Variants in TSPAN12 observed in about 807,000 individuals in gnomAD.
TSPAN12 encodes tetraspanin-12.
Under a neutral mutation model 39.2 loss-of-function variants are expected in TSPAN12, and 19 were observed. The ratio of observed to expected loss-of-function variants is 0.49; its 90% CI spans 0.34 to 0.71. The LOEUF is 0.71. TSPAN12 is among the 30% of genes least tolerant of loss of function. The pLI, the probability that TSPAN12 is intolerant of heterozygous loss-of-function variation, is 0.01. For synonymous variants in TSPAN12, 119 were observed against 124.8 expected, an observed-to-expected ratio of 0.95 and a Z score of 0.31; for missense variants, 314 against 359.9, an observed-to-expected ratio of 0.87 and a Z score of 1.03.
chr7:120,813,657 A>G (rs1386432199), intron 5 of TSPAN12, among the ~76,000 whole-genome samples: 1 of 152,206 alleles, frequency 6.6e-6, no homozygotes, highest in Admixed American at 6.5e-5. Context: ...TTTAATTACC[A>G]AACAGCAGAC....
intron 5 of TSPAN12, chr7:120,813,930 A>G (rs188099721): frequency 1.2e-5 from 2 of 172,194 alleles, no homozygotes; most frequent in Admixed American, 1.2e-4. Context: ...ATGTTGTTAA[A>G]AGCTCTTAAC....
intron 7 of TSPAN12, among the ~76,000 whole-genome samples, chr7:120,797,682 C>T (rs1793660125): frequency 6.6e-6 from 1 of 152,226 alleles, no homozygotes; most frequent in Admixed American, 6.5e-5. Flanking sequence ...TCCTCACTGT[C>T]AGAGTCCAAA....
chr7:120,828,422 T>C (rs1213068785), intron 4 of TSPAN12, among the ~76,000 whole-genome samples: 2 of 152,166 alleles, frequency 1.3e-5, no homozygotes, highest in East Asian at 1.9e-4. Context: ...CCCTAAGACA[T>C]ACATGTGCCC....
At chr7:120,815,886 T>A in intron 4 of TSPAN12, 83 bp from the exon 5 acceptor site, 1 of 1,273,956 alleles carries the variant, frequency 7.8e-7, no homozygotes, top group Non-Finnish European at 1.1e-6. Flanking sequence ...TATGTTTACC[T>A]AGTGACCAAG....
chr7:120,806,474 G>A, intron 7 of TSPAN12, 75 bp downstream of exon 7: 1 of 1,538,512 alleles, frequency 6.5e-7, no homozygotes, highest in South Asian at 1.1e-5. Context: ...AAATTTCATT[G>A]GCATATTGTT....
intron 4 of TSPAN12, among the ~76,000 whole-genome samples, chr7:120,818,939 G>C (rs923425083): frequency 6.6e-6 from 1 of 152,004 alleles, no homozygotes; most frequent in African/African-American, 2.4e-5. Flanking sequence ...CTTTACTTAA[G>C]AGATTTCTAG....
At chr7:120,790,397 G>A (rs561617210) in intron 7 of TSPAN12, among the ~76,000 whole-genome samples, 2 of 152,292 alleles carry the variant, frequency 1.3e-5, no homozygotes, top group African/African-American at 4.8e-5. Flanking sequence ...AGGATTAAAT[G>A]CACAGACACA....
At chr7:120,810,717 T>C (rs1178258613) in intron 5 of TSPAN12, 147 bp from the exon 6 acceptor site, 1 of 653,246 alleles carries the variant, frequency 1.5e-6, no homozygotes, top group Non-Finnish European at 2.8e-6. Flanking sequence ...TTATATTTGC[T>C]CATGGCCTAA....
rs376319101 is a variant in TSPAN12, at chr7:120,847,875, C to T, written c.67-7766G>A. Among the ~76,000 whole-genome samples, 119 of 152,304 alleles carry T rather than the reference C, an allele frequency of 7.8e-4. 1 individual carries two copies. The East Asian group carries it at 0.02, about 26-fold the overall frequency. ...CTTCAACTACCATTTATTTCGTCTT[C>T]CCTCAACTGCCTCTGAGAGAACAAA... On this transcript the variant is annotated intron_variant, in intron 2 of 7. Coordinates refer to ENST00000222747, the MANE Select transcript of TSPAN12 (RefSeq NM_012338.4).
At chr7:120,844,276 C>A (rs1457310033) in intron 2 of TSPAN12, among the ~76,000 whole-genome samples, 1 of 152,104 alleles carries the variant, frequency 6.6e-6, no homozygotes, top group African/African-American at 2.4e-5. Context: ...CTAATCCAAA[C>A]CATATCATTC....
At chr7:120,816,526 T>C (rs1404464666) in intron 4 of TSPAN12, among the ~76,000 whole-genome samples, 3 of 151,948 alleles carry the variant, frequency 2.0e-5, no homozygotes, top group Non-Finnish European at 4.4e-5. Flanking sequence ...CATGAACAAG[T>C]GTGCAGAGTC....
intron 2 of TSPAN12, among the ~76,000 whole-genome samples, chr7:120,843,439 A>G (rs1584951047): frequency 6.6e-6 from 1 of 151,494 alleles, no homozygotes. Flanking sequence ...CAGAATCCAA[A>G]CTCCTAAGTA....
chr7:120,827,054 T>C (rs1207899535), intron 4 of TSPAN12, among the ~76,000 whole-genome samples: 1 of 152,190 alleles, frequency 6.6e-6, no homozygotes, highest in Admixed American at 6.6e-5. Context: ...AACACTTTCA[T>C]AAGACAACAA....
chr7:120,848,901 G>A (rs1794721663), intron 2 of TSPAN12, among the ~76,000 whole-genome samples: 2 of 152,162 alleles, frequency 1.3e-5, no homozygotes, highest in Admixed American at 6.5e-5. Context: ...GAACTAAAAC[G>A]AGACTAGGTC....
At chr7:120,833,990 G>T (rs1157094230) in intron 4 of TSPAN12, among the ~76,000 whole-genome samples, 1 of 152,056 alleles carries the variant, frequency 6.6e-6, no homozygotes, top group Admixed American at 6.6e-5. Context: ...GAAAGGCATG[G>T]CATATTCCAG....
chr7:120,821,224 A>C (rs1257733997), intron 4 of TSPAN12, among the ~76,000 whole-genome samples: 2 of 152,010 alleles, frequency 1.3e-5, no homozygotes, highest in Non-Finnish European at 2.9e-5. Context: ...TTATTCCTAA[A>C]CCTACATTCA....
chr7:120,827,726 C>CT (rs1249942104), intron 4 of TSPAN12, among the ~76,000 whole-genome samples: 25 of 152,284 alleles, frequency 1.6e-4, no homozygotes, highest in African/African-American at 5.3e-4. Flanking sequence ...TCCATTATCT[C>CT]TAAGTAAATG....
Position 120,826,673 on chromosome 7 carries a change from C to T in TSPAN12, c.286-10870G>A, listed in dbSNP as rs548518496. 1.2e-4 allele frequency among the ~76,000 whole-genome samples: 18 copies of T among 152,252 alleles called. No individual in the cohort carries two copies. The East Asian group carries it at 2.3e-3, about 20-fold the overall frequency. ...AGACCTAACCAAATGTGTCCAGATA[C>T]TTCCCAAACAAAAGAGGGGAATGAG... On this transcript the variant is annotated intron_variant, in intron 4 of 7. Coordinates refer to ENST00000222747, the MANE Select transcript of TSPAN12 (RefSeq NM_012338.4).
At chr7:120,838,135 A>T (rs1794512644) in intron 4 of TSPAN12, among the ~76,000 whole-genome samples, 1 of 152,242 alleles carries the variant, frequency 6.6e-6, no homozygotes, top group Non-Finnish European at 1.5e-5. Flanking sequence ...TTTGCACATT[A>T]AGTGCTCTTC....
Sources: allele counts gnomAD v4.1 joint callset (sites outside exome capture counted in the v4.1 genomes callset), GRCh38; gene constraint gnomAD v4.1.1; transcripts MANE v1.5; gene names NCBI Gene and HGNC (gene_info 2026-07-23, HGNC 2026-07-21).